Variants in NPM3 observed in about 807,000 individuals in gnomAD.
The protein encoded by NPM3 is nucleophosmin/nucleoplasmin 3.
Under a neutral mutation model 18.1 loss-of-function variants are expected in NPM3, and 12 were observed. The observed-to-expected ratio is 0.66, with a 90% CI of 0.42 to 1.07. NPM3 has a LOEUF of 1.07. NPM3 is among the 50% of genes least tolerant of loss of function. The pLI is 0.00. For synonymous variants in NPM3, 116 were observed against 93.7 expected (o/e 1.24, Z -1.38); for missense variants, 274 against 232.1 (o/e 1.18, Z -1.17).
chr10:101,781,956 T>A, intron 4 of NPM3, 102 bp from the exon 5 acceptor site: 1 of 1,594,562 alleles, frequency 6.3e-7, no homozygotes, highest in Non-Finnish European at 8.6e-7. Flanking sequence ...ACAGGGACCA[T>A]GACCTCCCAG....
chr10:101,782,352 C>G lies in NPM3; in HGVS notation c.325-1G>C. On this transcript the variant is annotated splice_acceptor_variant, in intron 3 of 5. Coordinates refer to ENST00000370110, the Ensembl canonical transcript of NPM3. LOFTEE classifies it high-confidence loss of function. The stretch of plus-strand genomic sequence containing the variant: ...GGAGCTGGAAGTCATCCAGACTGAG[C>G]TGGGAGGAAGACAAGGATGAAGGCC... The G allele has an allele frequency of 9.3e-6, 15 of 1,613,636 alleles. No individual in the cohort carries two copies. The highest frequency in any genetic ancestry group is 1.3e-5 in the Non-Finnish European group (15 of 1,179,800).
rs138737085 is a variant in NPM3 at position 101,783,370 on chromosome 10, A to T, written c.21T>A (p.Ala7=). Residue 7 remains alanine (A), a synonymous_variant, in exon 1 of 6, where the codon GCT becomes GCA. Coordinates refer to ENST00000370110, the Ensembl canonical transcript of NPM3. ...TCTCCTGACTCAAAAACGCTAAGGCAGCTGCAGTACCGGCGGCCATGCTGT... is the reference window on the plus strand; with the variant it reads ...TCTCCTGACTCAAAAACGCTAAGGCTGCTGCAGTACCGGCGGCCATGCTGT... 3.7e-3 allele frequency: 6,041 copies of T among 1,611,126 alleles called. 16 individuals are homozygous for T. Among genetic ancestry groups the T allele is most frequent in the Non-Finnish European group, 4.7e-3 (5,531 of 1,178,514 alleles).
chr10:101,782,352 C>T lies in NPM3; in HGVS notation c.325-1G>A. ...GGAGCTGGAAGTCATCCAGACTGAG[C>T]TGGGAGGAAGACAAGGATGAAGGCC... On this transcript the variant is annotated splice_acceptor_variant, in intron 3 of 5. Coordinates refer to ENST00000370110, the Ensembl canonical transcript of NPM3. LOFTEE classifies it high-confidence loss of function. 1 of 1,613,636 alleles carries T rather than the reference C, an allele frequency of 6.2e-7. No individual in the cohort carries two copies. The highest frequency in any genetic ancestry group is 8.5e-7 in the Non-Finnish European group (1 of 1,179,800).
intron 2 of NPM3, 41 bp downstream of exon 2, chr10:101,782,798 C>A: frequency 6.2e-7 from 1 of 1,605,218 alleles, no homozygotes; most frequent in East Asian, 2.2e-5. Context: ...ATATTGCCTG[C>A]CTGGGCTTAT....
exon 1 of NPM3, chr10:101,783,335 C>G (rs751700157): frequency 1.9e-6 from 3 of 1,613,144 alleles, no homozygotes; most frequent in South Asian, 1.1e-5. Context: ...ACCCCCGGCC[C>G]GCGTTCGGCT....
At chr10:101,782,621 A>G (rs2065150553) in intron 2 of NPM3, 24 bp from the exon 3 acceptor site, 1 of 1,612,900 alleles carries the variant, frequency 6.2e-7, no homozygotes, top group Non-Finnish European at 8.5e-7. Flanking sequence ...ACAGGGCCTC[A>G]GGGTCTCCTC....
chr10:101,782,552 C>A, exon 3 of NPM3: 2 of 1,614,156 alleles, frequency 1.2e-6, no homozygotes, highest in African/African-American at 1.3e-5. Context: ...CGGGCCACAA[C>A]TTCTACCACA....
At chr10:101,782,074 A>C (rs1242899915) in intron 4 of NPM3, among the ~76,000 whole-genome samples, 184 bp downstream of exon 4, 2 of 152,108 alleles carry the variant, frequency 1.3e-5, no homozygotes, top group Non-Finnish European at 2.9e-5. Context: ...TCCATGGAGG[A>C]GGTAGGCTTG....
At chr10:101,782,562 A>C in exon 3 of NPM3, 3 of 1,613,970 alleles carry the variant, frequency 1.9e-6, no homozygotes. Flanking sequence ...CTTCTACCAC[A>C]TTACACTCGT....
intron 1 of NPM3, 58 bp from the exon 2 acceptor site, chr10:101,782,982 A>G: frequency 6.6e-7 from 1 of 1,521,016 alleles, no homozygotes; most frequent in Non-Finnish European, 9.0e-7. Flanking sequence ...GCAGCGGGGG[A>G]TGTCACCAAC....
exon 1 of NPM3, chr10:101,783,287 T>C: frequency 2.5e-6 from 4 of 1,608,206 alleles, no homozygotes; most frequent in Non-Finnish European, 3.4e-6. Flanking sequence ...GAAAAAACTG[T>C]CCATAGTGAC....
At chr10:101,782,579 C>T in exon 3 of NPM3, 1 of 1,614,024 alleles carries the variant, frequency 6.2e-7, no homozygotes, top group Non-Finnish European at 8.5e-7. Flanking sequence ...TCGTCTTTGG[C>T]TCCCTCGGTG....
exon 6 of NPM3, chr10:101,781,490 C>T: frequency 1.9e-6 from 1 of 539,042 alleles, no homozygotes; most frequent in Non-Finnish European, 3.2e-6. Flanking sequence ...GTGTGGAGCA[C>T]AGGCCCTCTC....
rs976258450 is a variant in NPM3 at position 101,781,929 on chromosome 10, G to C, written c.419-75C>G. On this transcript the variant is annotated intron_variant, in intron 4 of 5. Coordinates refer to ENST00000370110, the Ensembl canonical transcript of NPM3. ...TTCACACCGCATGCCATTTCTTCAC[G>C]CCGTGGTGTTAGGCTTACAGGGACC... 8.7e-6 allele frequency: 14 copies of C among 1,612,520 alleles called. No individual in the cohort carries two copies. The African/African-American group carries it at 1.9e-4, about 22-fold the overall frequency.
At chr10:101,782,730 G>C in intron 2 of NPM3, 109 bp downstream of exon 2, 1 of 1,571,652 alleles carries the variant, frequency 6.4e-7, no homozygotes, top group African/African-American at 1.4e-5. Context: ...CCATGCCGGG[G>C]GGTTAGGCTG....
chr10:101,781,929 G>A (rs976258450), intron 4 of NPM3, 75 bp from the exon 5 acceptor site: 25 of 1,612,520 alleles, frequency 1.6e-5, no homozygotes, highest in Non-Finnish European at 2.1e-5. Context: ...ATTTCTTCAC[G>A]CCGTGGTGTT....
At chr10:101,782,197 G>A (rs1035587510) in intron 4 of NPM3, 61 bp downstream of exon 4, 2 of 1,435,304 alleles carry the variant, frequency 1.4e-6, no homozygotes, top group Non-Finnish European at 1.9e-6. Flanking sequence ...AGTGCGGAGT[G>A]GGGGAAGCCT....
intron 3 of NPM3, 44 bp from the exon 4 acceptor site, chr10:101,782,395 A>C: frequency 6.2e-7 from 1 of 1,606,424 alleles, no homozygotes; most frequent in South Asian, 1.1e-5. Flanking sequence ...CTCCTAGCCC[A>C]CCCCACACTG....
chr10:101,782,636 G>T (rs1226554745), intron 2 of NPM3, 39 bp from the exon 3 acceptor site: 1 of 1,611,948 alleles, frequency 6.2e-7, no homozygotes. Context: ...CTCCTCAAGT[G>T]AGGGTTGACA....
Sources: allele counts gnomAD v4.1 joint callset (sites outside exome capture counted in the v4.1 genomes callset), GRCh38; gene constraint gnomAD v4.1.1; transcripts MANE v1.5; gene names NCBI Gene and HGNC (gene_info 2026-07-23, HGNC 2026-07-21).